COL26A1: variants seen among roughly 807,000 people sequenced by gnomAD.
The protein encoded by COL26A1 is collagen alpha-1(XXVI) chain.
A neutral mutation model predicts 59.3 loss-of-function variants in COL26A1; 41 were observed. The ratio of observed to expected loss-of-function variants is 0.69; its 90% CI spans 0.54 to 0.90. COL26A1 has a LOEUF of 0.90. Among genes scored for constraint, COL26A1 ranks in the 40% least tolerant of loss-of-function variants. The pLI, the probability that COL26A1 is intolerant of heterozygous loss-of-function variation, is 0.00. For missense variants in COL26A1, 612 were observed against 602.3 expected, an observed-to-expected ratio of 1.02 and a Z score of -0.17; for synonymous variants, 266 against 256.0, an observed-to-expected ratio of 1.04 and a Z score of -0.37.
chr7:101,377,102 G>A (rs1013645589), intron 1 of COL26A1, among the ~76,000 whole-genome samples: 6 of 152,088 alleles, frequency 3.9e-5, no homozygotes, highest in East Asian at 3.9e-4. Flanking sequence ...CAGGTGATCC[G>A]CCTGCCTCGG....
chr7:101,445,778 G>A (rs1332308894), intron 2 of COL26A1, among the ~76,000 whole-genome samples: 3 of 147,398 alleles, frequency 2.0e-5, no homozygotes, highest in African/African-American at 5.0e-5. Context: ...CACCAGGCGC[G>A]GTGGCCCATG....
chr7:101,370,396 A>T (rs189892700), intron 1 of COL26A1, among the ~76,000 whole-genome samples: 1 of 151,718 alleles, frequency 6.6e-6, no homozygotes, highest in Admixed American at 6.6e-5. Flanking sequence ...TTTGAGACGG[A>T]GTCTGGCTCT....
chr7:101,472,271 G>A (rs1208580394), intron 3 of COL26A1, among the ~76,000 whole-genome samples: 2 of 152,220 alleles, frequency 1.3e-5, no homozygotes, highest in South Asian at 2.1e-4. Context: ...CTCCCAAAGT[G>A]CTGGGATTAC....
At chr7:101,458,873 C>G (rs974930377) in intron 3 of COL26A1, among the ~76,000 whole-genome samples, 1 of 149,128 alleles carries the variant, frequency 6.7e-6, no homozygotes, top group Non-Finnish European at 1.5e-5. Context: ...ATGATCATAG[C>G]TCACTGCAGC....
At chr7:101,534,626 C>T (rs1185216184) in intron 4 of COL26A1, among the ~76,000 whole-genome samples, 1 of 149,438 alleles carries the variant, frequency 6.7e-6, no homozygotes, top group Non-Finnish European at 1.5e-5. Flanking sequence ...CACACACAAG[C>T]ATGCATGTCA....
At chr7:101,394,819 C>T (rs1195692950) in intron 1 of COL26A1, among the ~76,000 whole-genome samples, 1 of 149,810 alleles carries the variant, frequency 6.7e-6, no homozygotes, top group Non-Finnish European at 1.5e-5. Flanking sequence ...TCCAGTTCTC[C>T]TTGGCTGTTG....
chr7:101,454,405 C>T (rs1463188005), intron 3 of COL26A1, among the ~76,000 whole-genome samples: 1 of 151,520 alleles, frequency 6.6e-6, no homozygotes. Flanking sequence ...ATTACAGGTG[C>T]CCGCCACCAC....
chr7:101,476,570 C>T (rs1250879911), intron 3 of COL26A1, among the ~76,000 whole-genome samples: 13 of 146,172 alleles, frequency 8.9e-5, no homozygotes, highest in Admixed American at 3.4e-4. Flanking sequence ...TTTTTTGAGA[C>T]GGAGTCTCGC....
intron 2 of COL26A1, among the ~76,000 whole-genome samples, chr7:101,440,584 C>T (rs982315337): frequency 6.6e-6 from 1 of 152,160 alleles, no homozygotes; most frequent in African/African-American, 2.4e-5. Context: ...CACAGTGCCA[C>T]CTACTGGTGT....
chr7:101,463,869 T>TTTTCTTTCTTTC (rs566945352), intron 3 of COL26A1, among the ~76,000 whole-genome samples: 4,677 of 91,588 alleles, frequency 0.051, 161 homozygotes, highest in East Asian at 0.099. Flanking sequence ...CTCTTTTTTC[T>TTTTCTTTCTTTC]TTTCTTTCTT....
intron 3 of COL26A1, among the ~76,000 whole-genome samples, chr7:101,500,499 T>G (rs1794679218): frequency 6.6e-6 from 1 of 152,230 alleles, no homozygotes; most frequent in South Asian, 2.1e-4. Context: ...CTGGCCAGCT[T>G]GCTGTCTGCA....
intron 1 of COL26A1, among the ~76,000 whole-genome samples, chr7:101,389,273 C>T (rs1791666643): frequency 6.6e-6 from 1 of 151,990 alleles, no homozygotes; most frequent in African/African-American, 2.4e-5. Flanking sequence ...TATTATTAAG[C>T]TGTTAGCCCT....
Position 101,471,438 on chromosome 7 carries a change from G to A in COL26A1, c.385+23651G>A, listed in dbSNP as rs567431672. 1.8e-3 allele frequency among the ~76,000 whole-genome samples: 280 copies of A among 152,192 alleles called. 1 individual carries two copies. The highest frequency in any genetic ancestry group is 3.0e-3 in the Non-Finnish European group (203 of 68,018). On this transcript the variant is annotated intron_variant, in intron 3 of 12. Transcript: ENST00000313669. Reference sequence around the variant, plus strand: ...CCGAGTATAGTGAAGCTAAGATAATGTATTAGAGACTACTCAATTACAGAA... The same window carrying A: ...CCGAGTATAGTGAAGCTAAGATAATATATTAGAGACTACTCAATTACAGAA...
At chr7:101,402,265 C>T (rs1241234956) in intron 1 of COL26A1, among the ~76,000 whole-genome samples, 1 of 152,146 alleles carries the variant, frequency 6.6e-6, no homozygotes, top group African/African-American at 2.4e-5. Context: ...TCCCTTTCAG[C>T]AGTCACATTC....
At chr7:101,547,281 C>CTGGGGGGATGGAGT in intron 8 of COL26A1, 42 bp downstream of exon 8, 1 of 1,436,652 alleles carries the variant, frequency 7.0e-7, no homozygotes, top group Non-Finnish European at 9.5e-7. Flanking sequence ...GACTCCATCC[C>CTGGGGGGATGGAGT]CCCAGGGCTG....
chr7:101,551,208 G>T, intron 10 of COL26A1, 65 bp downstream of exon 10: 17 of 1,278,948 alleles, frequency 1.3e-5, no homozygotes, highest in South Asian at 2.7e-5. Flanking sequence ...GCAAGCCCAG[G>T]GCACTGGGTG....
intron 3 of COL26A1, among the ~76,000 whole-genome samples, chr7:101,522,709 G>C (rs1728184273): frequency 6.6e-6 from 1 of 151,936 alleles, no homozygotes; most frequent in Admixed American, 6.6e-5. Context: ...CTTATATTCA[G>C]CCTTATTAGA....
intron 2 of COL26A1, among the ~76,000 whole-genome samples, chr7:101,424,279 C>A (rs916664411): frequency 1.3e-5 from 2 of 152,110 alleles, no homozygotes; most frequent in African/African-American, 4.8e-5. Context: ...TCTTAATTGT[C>A]ATAATTTCTG....
intron 3 of COL26A1, among the ~76,000 whole-genome samples, chr7:101,468,724 G>A (rs565415990): frequency 1.3e-5 from 2 of 152,234 alleles, no homozygotes; most frequent in Non-Finnish European, 1.5e-5. Context: ...AACATGTGCT[G>A]GGGAAACTGT....
Sources: allele counts gnomAD v4.1 joint callset (sites outside exome capture counted in the v4.1 genomes callset), GRCh38; gene constraint gnomAD v4.1.1; transcripts MANE v1.5; gene names NCBI Gene and HGNC (gene_info 2026-07-23, HGNC 2026-07-21).